Variants in SYNPR observed in about 807,000 individuals in gnomAD.
The protein encoded by SYNPR is synaptoporin.
SYNPR carries 23 observed loss-of-function variants against 32.9 expected under a neutral mutation model. The observed-to-expected ratio is 0.70, with a 90% CI of 0.50 to 0.99. The LOEUF is 0.99. Among genes scored for constraint, SYNPR ranks in the 50% least tolerant of loss-of-function variants. SYNPR has a pLI of 0.00. For synonymous variants in SYNPR, 146 were observed against 135.9 expected (o/e 1.07, Z -0.52); for missense variants, 318 against 349.3 (o/e 0.91, Z 0.71).
intron 2 of SYNPR, among the ~76,000 whole-genome samples, chr3:63,325,161 G>A (rs1356959912): frequency 6.6e-6 from 1 of 151,982 alleles, no homozygotes; most frequent in Non-Finnish European, 1.5e-5. Context: ...ATTATTTATA[G>A]TATGGCAGAA....
intron 4 of SYNPR, among the ~76,000 whole-genome samples, chr3:63,577,521 G>C (rs916436949): frequency 6.6e-6 from 1 of 152,066 alleles, no homozygotes; most frequent in African/African-American, 2.4e-5. Flanking sequence ...AAAAAATGTG[G>C]GCTTCTAGGG....
intron 3 of SYNPR, among the ~76,000 whole-genome samples, chr3:63,523,146 G>A (rs1701945449): frequency 6.6e-6 from 1 of 152,142 alleles, no homozygotes; most frequent in Non-Finnish European, 1.5e-5. Context: ...ACACGTGACG[G>A]TGGGGCGGTG....
At chr3:63,362,803 A>G (rs1227905607) in intron 2 of SYNPR, among the ~76,000 whole-genome samples, 1 of 152,316 alleles carries the variant, frequency 6.6e-6, no homozygotes, top group East Asian at 1.9e-4. Context: ...AAAGATGCCA[A>G]TATGTTGATC....
At chr3:63,422,358 A>G (rs866501945) in intron 2 of SYNPR, among the ~76,000 whole-genome samples, 5 of 152,148 alleles carry the variant, frequency 3.3e-5, no homozygotes, top group Middle Eastern at 6.8e-3. Flanking sequence ...TCATGTAGAC[A>G]CATGAAAAAA....
At chr3:63,586,519 T>C (rs1703187538) in intron 4 of SYNPR, among the ~76,000 whole-genome samples, 2 of 151,982 alleles carry the variant, frequency 1.3e-5, no homozygotes, top group Admixed American at 1.3e-4. Flanking sequence ...CCCCAGCCAT[T>C]GAATTATCTT....
intron 3 of SYNPR, among the ~76,000 whole-genome samples, chr3:63,501,440 G>A (rs1390999669): frequency 1.4e-5 from 2 of 143,642 alleles, no homozygotes; most frequent in Admixed American, 1.4e-4. Flanking sequence ...GTTTCTGTTA[G>A]TGCTCTCCAG....
chr3:63,460,563 T>C (rs1575656182), intron 2 of SYNPR, among the ~76,000 whole-genome samples: 1 of 125,028 alleles, frequency 8.0e-6, no homozygotes, highest in African/African-American at 3.4e-5. Flanking sequence ...TAGGTGAGGA[T>C]TGGTAGACCA....
chr3:63,383,400 C>T (rs958088390), intron 2 of SYNPR, among the ~76,000 whole-genome samples: 2 of 152,164 alleles, frequency 1.3e-5, no homozygotes, highest in African/African-American at 4.8e-5. Flanking sequence ...TCCACCTCTC[C>T]TGGAGCAGCA....
chr3:63,331,952 T>G (rs1404241526), intron 2 of SYNPR, among the ~76,000 whole-genome samples: 2 of 152,138 alleles, frequency 1.3e-5, no homozygotes, highest in African/African-American at 4.8e-5. Context: ...TGGGAAAAAT[T>G]GAAAATGATG....
intron 4 of SYNPR, among the ~76,000 whole-genome samples, chr3:63,569,826 A>G (rs898797679): frequency 6.6e-6 from 1 of 152,202 alleles, no homozygotes; most frequent in Non-Finnish European, 1.5e-5. Context: ...TTTTTAGCAT[A>G]ATGGAATTCT....
At chr3:63,347,300 C>T (rs2087450051) in intron 2 of SYNPR, among the ~76,000 whole-genome samples, 1 of 152,062 alleles carries the variant, frequency 6.6e-6, no homozygotes, top group Admixed American at 6.5e-5. Context: ...GCTTGAAAAA[C>T]ATTTTCGTAT....
At chr3:63,312,552 A>G (rs962229664) in intron 2 of SYNPR, among the ~76,000 whole-genome samples, 10 of 152,052 alleles carry the variant, frequency 6.6e-5, no homozygotes, top group Non-Finnish European at 1.3e-4. Flanking sequence ...ACTTTCAGAA[A>G]AAAAAGAGAA....
intron 2 of SYNPR, among the ~76,000 whole-genome samples, chr3:63,284,168 T>C (rs1164797390): frequency 6.6e-6 from 1 of 152,318 alleles, no homozygotes; most frequent in African/African-American, 2.4e-5. Context: ...GTCTCTTTTT[T>C]TCCCTTTTCT....
At chr3:63,321,685 C>T (rs2087112308) in intron 2 of SYNPR, among the ~76,000 whole-genome samples, 1 of 152,068 alleles carries the variant, frequency 6.6e-6, no homozygotes, top group African/African-American at 2.4e-5. Context: ...ACAGATAATG[C>T]TCTCTGTTCC....
At chr3:63,234,753 C>A (rs1160283374) in intron 1 of SYNPR, among the ~76,000 whole-genome samples, 1 of 152,174 alleles carries the variant, frequency 6.6e-6, no homozygotes, top group Non-Finnish European at 1.5e-5. Flanking sequence ...ATGTTCTGCT[C>A]GGGGCCAGTG....
chr3:63,473,275 A>G (rs968019698), intron 2 of SYNPR, among the ~76,000 whole-genome samples: 4 of 152,082 alleles, frequency 2.6e-5, no homozygotes, highest in Non-Finnish European at 5.9e-5. Context: ...ATATTCCCCT[A>G]ACGTGCTCCA....
intron 2 of SYNPR, among the ~76,000 whole-genome samples, chr3:63,436,845 C>A (rs1700093690): frequency 6.6e-6 from 1 of 152,106 alleles, no homozygotes; most frequent in Non-Finnish European, 1.5e-5. Flanking sequence ...ACTGTTAAAT[C>A]TTTCTCTACA....
intron 1 of SYNPR, among the ~76,000 whole-genome samples, chr3:63,251,757 C>G (rs1354717875): frequency 6.6e-6 from 1 of 151,868 alleles, no homozygotes; most frequent in Admixed American, 6.6e-5. Context: ...CCTCTGCATC[C>G]GTCTGCTTGG....
chr3:63,266,086 A>T (rs533372292), intron 2 of SYNPR, among the ~76,000 whole-genome samples: 1 of 152,366 alleles, frequency 6.6e-6, no homozygotes, highest in African/African-American at 2.4e-5. Flanking sequence ...CAGATGCTGC[A>T]AAGATCCAAA....
Sources: allele counts gnomAD v4.1 joint callset (sites outside exome capture counted in the v4.1 genomes callset), GRCh38; gene constraint gnomAD v4.1.1; transcripts MANE v1.5; gene names NCBI Gene and HGNC (gene_info 2026-07-23, HGNC 2026-07-21).